The following ZNF804A variants were observed in gnomAD, a reference collection of about 807,000 sequenced individuals.
The protein encoded by ZNF804A is zinc finger protein 804A.
ZNF804A carries 2 observed loss-of-function variants against 16.5 expected under a neutral mutation model. The ratio of observed to expected loss-of-function variants is 0.12; its 90% CI spans 0.05 to 0.38. ZNF804A has a LOEUF of 0.38. Ranked by LOEUF, ZNF804A falls within the 10% of genes least tolerant of loss-of-function variation. ZNF804A has a pLI of 0.99. For synonymous variants in ZNF804A, 534 were observed against 489.6 expected (o/e 1.09, Z -1.20); for missense variants, 1,473 against 1,390.7 (o/e 1.06, Z -0.94).
intron 1 of ZNF804A, among the ~76,000 whole-genome samples, chr2:184,612,468 T>G (rs1691254305): frequency 6.6e-6 from 1 of 151,564 alleles, no homozygotes; most frequent in Non-Finnish European, 1.5e-5. Flanking sequence ...GACGGAGTCT[T>G]GCTCTTGTTG....
Position 184,799,248 on chromosome 2 carries a change from C to T in ZNF804A, c.112-67121C>T, listed in dbSNP as rs970248810. ...TCCACTCACTGCTGTCTGTCCCAGT[C>T]AGAGCTGCAATCTAGTTCTGCCTCT... On this transcript the variant is annotated intron_variant, in intron 1 of 3. Transcript: ENST00000302277. Among the ~76,000 whole-genome samples the T allele has an allele frequency of 2.6e-5, 4 of 151,990 alleles. No homozygotes were observed. The East Asian group carries it at 7.7e-4, about 29-fold the overall frequency.
chr2:184,689,995 TAA>T (rs1410066298), intron 1 of ZNF804A, among the ~76,000 whole-genome samples: 1 of 151,978 alleles, frequency 6.6e-6, no homozygotes, highest in Non-Finnish European at 1.5e-5. Flanking sequence ...ACAATTTTAA[TAA>T]AATAATTTGT....
At chr2:184,647,301 A>G (rs906963706) in intron 1 of ZNF804A, among the ~76,000 whole-genome samples, 1 of 152,236 alleles carries the variant, frequency 6.6e-6, no homozygotes, top group African/African-American at 2.4e-5. Context: ...CTCCAGATGC[A>G]AAAGAACCAG....
At chr2:184,759,230 G>A (rs1017666189) in intron 1 of ZNF804A, among the ~76,000 whole-genome samples, 1 of 151,170 alleles carries the variant, frequency 6.6e-6, no homozygotes, top group Admixed American at 6.6e-5. Flanking sequence ...AAAAAATATG[G>A]ACACCTATCT....
chr2:184,638,284 G>C (rs1691735154), intron 1 of ZNF804A, among the ~76,000 whole-genome samples: 1 of 152,080 alleles, frequency 6.6e-6, no homozygotes, highest in Non-Finnish European at 1.5e-5. Context: ...GACAGACTTG[G>C]GGCTTCAAAA....
At chr2:184,787,521 G>GT (rs60953172) in intron 1 of ZNF804A, among the ~76,000 whole-genome samples, 1 of 151,714 alleles carries the variant, frequency 6.6e-6, no homozygotes, top group South Asian at 2.1e-4. Context: ...AACATCGGTT[G>GT]TTTTTTTGAC....
At chr2:184,687,908 C>G (rs1692663934) in intron 1 of ZNF804A, among the ~76,000 whole-genome samples, 1 of 152,160 alleles carries the variant, frequency 6.6e-6, no homozygotes, top group Non-Finnish European at 1.5e-5. Context: ...CAACTGAGGT[C>G]AGCAGTTCAA....
At chr2:184,787,700 T>C (rs1179392804) in intron 1 of ZNF804A, among the ~76,000 whole-genome samples, 1 of 151,972 alleles carries the variant, frequency 6.6e-6, no homozygotes, top group African/African-American at 2.4e-5. Flanking sequence ...TTTAAGTTTT[T>C]TGGTGCCTTT....
chr2:184,694,775 ATC>A (rs1692794471), intron 1 of ZNF804A, among the ~76,000 whole-genome samples: 1 of 152,236 alleles, frequency 6.6e-6, no homozygotes, highest in Non-Finnish European at 1.5e-5. Flanking sequence ...ATTCAGATTA[ATC>A]TCAGAGTTCC....
In ZNF804A at chr2:184,885,285, T is replaced by G. The variant is rs182263613; in HGVS notation, c.255+18773T>G. On this transcript the variant is annotated intron_variant, in intron 2 of 3. Coordinates refer to ENST00000302277, the MANE Select transcript of ZNF804A (RefSeq NM_194250.2). ...CCACCGTGGAAAACAGCTTGGTGAT[T>G]TCTCAAAGAACTGAAAGCAGAATTA... Among the ~76,000 whole-genome samples the G allele has an allele frequency of 4.2e-3, 635 of 152,322 alleles. 5 individuals are homozygous for G. Among genetic ancestry groups the G allele is most frequent in the African/African-American group, 0.015 (603 of 41,574 alleles).
At chr2:184,841,525 A>G (rs1695436127) in intron 1 of ZNF804A, among the ~76,000 whole-genome samples, 1 of 152,126 alleles carries the variant, frequency 6.6e-6, no homozygotes, top group African/African-American at 2.4e-5. Context: ...CTAGTAAAAC[A>G]GCATTACTAA....
At chr2:184,740,322 T>C (rs554224038) in intron 1 of ZNF804A, among the ~76,000 whole-genome samples, 6 of 152,208 alleles carry the variant, frequency 3.9e-5, no homozygotes, top group Non-Finnish European at 7.3e-5. Context: ...GTCACAATAA[T>C]AAGCAAGGGA....
intron 2 of ZNF804A, among the ~76,000 whole-genome samples, chr2:184,868,736 C>A (rs1440377522): frequency 6.6e-6 from 1 of 152,016 alleles, no homozygotes; most frequent in African/African-American, 2.4e-5. Flanking sequence ...GTCTTTCCTA[C>A]AACTTTTATG....
intron 1 of ZNF804A, among the ~76,000 whole-genome samples, chr2:184,836,623 CAT>C (rs1172643763): frequency 2.6e-5 from 4 of 151,516 alleles, no homozygotes; most frequent in Non-Finnish European, 4.4e-5. Context: ...TGGAAATAAA[CAT>C]AGATATTATA....
chr2:184,921,000 AT>A (rs1430923563), intron 2 of ZNF804A, among the ~76,000 whole-genome samples: 2 of 152,170 alleles, frequency 1.3e-5, no homozygotes, highest in African/African-American at 4.8e-5. Flanking sequence ...AAAATAGAAA[AT>A]TCATACACCT....
At chr2:184,878,825 T>C (rs1027630510) in intron 2 of ZNF804A, among the ~76,000 whole-genome samples, 14 of 152,178 alleles carry the variant, frequency 9.2e-5, no homozygotes, top group Middle Eastern at 3.4e-3. Context: ...ATAAAAATAT[T>C]TGTTTTTTTA....
chr2:184,639,907 C>G (rs1367974303), intron 1 of ZNF804A, among the ~76,000 whole-genome samples: 1 of 152,056 alleles, frequency 6.6e-6, no homozygotes. Flanking sequence ...GAGACTGAGG[C>G]AGGAGAATGG....
intron 1 of ZNF804A, among the ~76,000 whole-genome samples, chr2:184,686,940 A>G (rs1692646270): frequency 6.6e-6 from 1 of 152,160 alleles, no homozygotes; most frequent in Non-Finnish European, 1.5e-5. Flanking sequence ...GACCTTGGTT[A>G]GATGCATATT....
intron 1 of ZNF804A, among the ~76,000 whole-genome samples, chr2:184,814,180 G>C (rs1436745758): frequency 6.6e-6 from 1 of 151,544 alleles, no homozygotes; most frequent in East Asian, 1.9e-4. Flanking sequence ...ATAGTTCCAT[G>C]TTTGAGATAG....
Sources: gnomAD v4.1 joint callset for allele counts (sites outside exome capture counted in the v4.1 genomes callset) on GRCh38, gnomAD v4.1.1 for gene constraint, MANE v1.5 for transcripts, NCBI Gene and HGNC (gene_info 2026-07-23, HGNC 2026-07-21) for gene names.